MROH6: variants seen among roughly 807,000 people sequenced by gnomAD.
MROH6 encodes the protein maestro heat like repeat family member 6, also known as maestro heat-like repeat-containing protein family member 6.
MROH6 carries 62 observed loss-of-function variants against 67.7 expected under a neutral mutation model. The ratio of observed to expected loss-of-function variants is 0.92; its 90% CI spans 0.75 to 1.13. The LOEUF is 1.13. Among genes scored for constraint, MROH6 ranks in the 50% most tolerant of loss-of-function variants. The pLI is 0.00. For synonymous variants in MROH6, 566 were observed against 470.8 expected (o/e 1.20, Z -2.62); for missense variants, 1,175 against 1,029.1 (o/e 1.14, Z -1.94).
Position 143,568,611 on chromosome 8 carries a change from G to A in MROH6, c.1585C>T (p.Leu529=). 1.3e-6 allele frequency: 2 copies of A among 1,544,998 alleles called. No individual in the cohort carries two copies. Among genetic ancestry groups the A allele is most frequent in the Non-Finnish European group, 1.7e-6 (2 of 1,152,020 alleles). The change falls in exon 10 of 14, where the codon CTG becomes TTG. Residue 529 remains leucine (L), a synonymous_variant. Coordinates refer to ENST00000398882, the MANE Select transcript of MROH6 (RefSeq NM_001100878.2). ...GLRGPLRKLV[L]QSLVPLLLRL... is the part of the protein sequence containing the mutation. ...AGCAGCAGCGGCACGAGACTCTGCA[G>A]CACCAGCTTCCGCAGGGGGCCGCGG... is the stretch of plus-strand genomic sequence containing the variant.
At position 143,567,868 on chromosome 8, in the gene MROH6, G is replaced by A. The variant is rs1328890013; in HGVS notation, c.1785C>T (p.His595=). The A allele has an allele frequency of 4.6e-6, 7 of 1,527,602 alleles. No homozygotes were observed. The South Asian group carries it at 6.5e-5, about 14-fold the overall frequency. The allele number at this position is 1,527,602 out of a possible 1,614,324, so 94.6% of individuals were successfully genotyped here. A position where few individuals can be genotyped will look rare whatever the true frequency, so the allele number is the denominator to read the frequency against. Residue 595 remains histidine, a synonymous_variant, in exon 12 of 14, where the codon CAC becomes CAT. Coordinates refer to ENST00000398882, the MANE Select transcript of MROH6 (RefSeq NM_001100878.2). ...GGGTCTGGCTCAGGAAGTTGGGCAC[G>A]TGGCCTGGGTATCGCTGAACCTGGG... The part of the protein sequence containing the change: ...CCRLVQRYPG[H]VPNFLSQTQG...
chr8:143,570,762 C>A (rs889805130), intron 4 of MROH6, 105 bp from the exon 5 acceptor site: 17 of 1,427,496 alleles, frequency 1.2e-5, no homozygotes, highest in Non-Finnish European at 1.4e-5. Context: ...CTCAGACACG[C>A]ATGGGACATT....
At chr8:143,571,909 T>G in intron 2 of MROH6, 88 bp from the exon 3 acceptor site, 1 of 978,718 alleles carries the variant, frequency 1.0e-6, no homozygotes, top group Non-Finnish European at 1.4e-6. Context: ...ACCCCCACCC[T>G]GATCCCGCCT....
chr8:143,572,445 T>A lies in MROH6; in HGVS notation c.270A>T (p.Glu90Asp). ...CCTGGTGGGGCCCCTCAGGGGCTGG[T>A]TCCAGGGCACTGTTGAGGGAGCAGG... is the stretch of plus-strand genomic sequence containing the variant. Reference protein sequence around the residue: ...SEPCSLNSALEPAPEGPHQVP... With the variant: ...SEPCSLNSALDPAPEGPHQVP... The change falls in exon 1 of 14, where the codon GAA becomes GAT. Residue 90 changes from glutamate to aspartate, a missense_variant. Glu to Asp is a conservative substitution (Grantham distance 45). Transcript: ENST00000398882. The A allele has an allele frequency of 6.3e-7, 1 of 1,593,202 alleles. No homozygotes were observed. The highest frequency in any genetic ancestry group is 8.5e-7 in the Non-Finnish European group (1 of 1,173,512).
Position 143,569,589 on chromosome 8 carries a change from G to T in MROH6, c.1328C>A (p.Pro443Gln). Reference sequence around the variant, plus strand: ...TTCGCCCAGTGCGCCCAGGAGCGCCGGCAGCAGCGTGCTCACGTGCCGCAC... The same window carrying T: ...TTCGCCCAGTGCGCCCAGGAGCGCCTGCAGCAGCGTGCTCACGTGCCGCAC... ...RKVRHVSTLL[P>Q]ALLGALGEGD... is the part of the protein sequence containing the mutation. The change falls in exon 9 of 14, where the codon CCG (proline) becomes CAG (glutamine). Residue 443 changes from proline to glutamine, a missense_variant. Physicochemically the swap from Pro to Gln is moderately conservative, Grantham distance 76. Transcript: ENST00000398882. 1 of 1,569,998 alleles carries T rather than the reference G, an allele frequency of 6.4e-7. No homozygotes were observed. The highest frequency in any genetic ancestry group is 1.4e-5 in the African/African-American group (1 of 73,982).
Position 143,570,954 on chromosome 8 carries a change from G to T in MROH6, c.643C>A (p.Arg215Ser). Residue 215 changes from arginine (R) to serine (S), a missense_variant, in exon 4 of 14, where the codon CGT becomes AGT. Coordinates refer to ENST00000398882, the MANE Select transcript of MROH6 (RefSeq NM_001100878.2). ...TGCACCAGCACCTGCCCATTTACAC[G>T]CTGGTTACGGCTTAGGCTGCGCCAG... ...ELWRSLSRNQRVNGQVLVQLL... is the reference protein window; with the variant it reads ...ELWRSLSRNQSVNGQVLVQLL... The T allele has an allele frequency of 6.5e-6, 10 of 1,546,704 alleles. No individual in the cohort carries two copies. The highest frequency in any genetic ancestry group is 1.2e-5 in the South Asian group (1 of 83,882).
At chr8:143,569,913 G>C (rs1408931126) in intron 7 of MROH6, 38 bp downstream of exon 7, 1 of 1,611,600 alleles carries the variant, frequency 6.2e-7, no homozygotes, top group Admixed American at 1.7e-5. Context: ...ATCAAGTCCA[G>C]GGTCACCCTT....
chr8:143,567,170 C>T lies in MROH6; in HGVS notation c.*69G>A, dbSNP rs933991448. 6 of 891,512 alleles carry T rather than the reference C, an allele frequency of 6.7e-6. No individual in the cohort carries two copies. Among genetic ancestry groups the T allele is most frequent in the African/African-American group, 1.7e-5 (1 of 57,300 alleles). The allele number at this position is 891,512 out of a possible 1,614,324, so 55.2% of individuals were successfully genotyped here. On this transcript the variant is annotated 3_prime_UTR_variant, in exon 14 of 14. Coordinates refer to ENST00000398882, the MANE Select transcript of MROH6 (RefSeq NM_001100878.2). ...GGCCCAGGGAGCCCCTCCGTCAGGG[C>T]GGGGACAGGCTGCTATGCGCGTGGG...
At chr8:143,567,765 T>C (rs775425634) in intron 12 of MROH6, 21 bp downstream of exon 12, 16 of 1,567,850 alleles carry the variant, frequency 1.0e-5, no homozygotes, top group Middle Eastern at 3.4e-4. Flanking sequence ...CCAGGGGCAG[T>C]GTGACCCCGG....
At position 143,567,320 on chromosome 8, in the gene MROH6, G is replaced by A. The variant is rs1002373582; in HGVS notation, c.2079C>T (p.Pro693=). ...AGGGGCTGTCGGCGAAGACTGGTGGGGGCCGGGCGGGGCGCGGGGCGATGC... is the reference window on the plus strand; with the variant it reads ...AGGGGCTGTCGGCGAAGACTGGTGGAGGCCGGGCGGGGCGCGGGGCGATGC... The part of the protein sequence containing the change: ...LLRIAPRPAR[P]PPVFADSPFQ... Residue 693 remains proline (P), a synonymous_variant, in exon 14 of 14, where the codon CCC becomes CCT. Coordinates refer to ENST00000398882, the MANE Select transcript of MROH6 (RefSeq NM_001100878.2). 16 of 1,219,542 alleles carry A rather than the reference G, an allele frequency of 1.3e-5. No individual in the cohort carries two copies. Among genetic ancestry groups the A allele is most frequent in the Admixed American group, 4.3e-5 (1 of 23,214 alleles). 75.5% of individuals were successfully genotyped at this position (1,219,542 alleles called of 1,614,324 possible).
intron 3 of MROH6, 47 bp from the exon 4 acceptor site, chr8:143,571,041 TC>T: frequency 6.6e-7 from 1 of 1,512,238 alleles, no homozygotes. Flanking sequence ...TGGGTGGGTG[TC>T]CAGGGAATGT....
Position 143,569,440 on chromosome 8 carries a change from C to A in MROH6, c.1476+1G>T. On this transcript the variant is annotated splice_donor_variant, in intron 9 of 13. Transcript: ENST00000398882. LOFTEE classifies it high-confidence loss of function. ...GACCCGGAGGCGGGGCGTTTGCTCA[C>A]GTCGTCCAGTAGCGGAGGGAGGCGC... 1 of 1,442,290 alleles carries A rather than the reference C, an allele frequency of 6.9e-7. No homozygotes were observed. Among genetic ancestry groups the A allele is most frequent in the South Asian group, 1.4e-5 (1 of 70,966 alleles). 89.3% of individuals were successfully genotyped at this position (1,442,290 alleles called of 1,614,324 possible).
intron 4 of MROH6, 99 bp from the exon 5 acceptor site, chr8:143,570,756 G>T (rs1256600196): frequency 7.0e-7 from 1 of 1,435,796 alleles, no homozygotes. Context: ...GACAGCCTCA[G>T]ACACGCATGG....
In MROH6 at chr8:143,568,668, G is replaced by A; in HGVS notation, c.1528C>T (p.Arg510Cys). ...AGCCGGAGCCCGCCCCGGCCCCGGC[G>A]CACCAGAGTCCCAAGGAGCCCGACG... ...SAVGLLGTLV[R>C]RGRGGLRLGL... is the part of the protein sequence containing the mutation. Residue 510 changes from arginine (R) to cysteine (C), a missense_variant, in exon 10 of 14, where the codon CGC becomes TGC. By Grantham distance (180) the Arg-to-Cys change is radical. Coordinates refer to ENST00000398882, the MANE Select transcript of MROH6 (RefSeq NM_001100878.2). 2.6e-6 allele frequency: 4 copies of A among 1,530,230 alleles called. No homozygotes were observed. The highest frequency in any genetic ancestry group is 2.8e-5 in the African/African-American group (2 of 72,628). 94.8% of individuals were successfully genotyped at this position (1,530,230 alleles called of 1,614,324 possible).
intron 3 of MROH6, 140 bp downstream of exon 3, chr8:143,571,527 C>G: frequency 9.0e-7 from 1 of 1,113,084 alleles, no homozygotes; most frequent in Non-Finnish European, 1.3e-6. Flanking sequence ...GGAATGGATA[C>G]GGGGCATGAG....
Position 143,572,579 on chromosome 8 carries a change from T to G in MROH6, c.136A>C (p.Lys46Gln). The change falls in exon 1 of 14, where the codon AAG (lysine) becomes CAG (glutamine). Residue 46 changes from lysine to glutamine, a missense_variant. By Grantham distance (53) the Lys-to-Gln change is moderately conservative. Transcript: ENST00000398882. ...GCCTCAGGTTTGACCTCCCAGGACTTGGGCTGAGGGCCTGCGGAAGGGGGT... is the reference window on the plus strand; with the variant it reads ...GCCTCAGGTTTGACCTCCCAGGACTGGGGCTGAGGGCCTGCGGAAGGGGGT... ...QGPPSAGPQPKSWEVKPEAEP... is the reference protein window; with the variant it reads ...QGPPSAGPQPQSWEVKPEAEP... 6.2e-7 allele frequency: 1 copy of G among 1,604,836 alleles called. No individual in the cohort carries two copies. The highest frequency in any genetic ancestry group is 1.1e-5 in the South Asian group (1 of 89,896).
rs751657701 is a variant in MROH6 at position 143,571,717 on chromosome 8, A to G, written c.552T>C (p.His184=). 3.9e-6 allele frequency: 6 copies of G among 1,550,912 alleles called. No individual in the cohort carries two copies. The highest frequency in any genetic ancestry group is 1.4e-5 in the African/African-American group (1 of 73,172). The part of the protein sequence containing the change: ...LRVLSALALE[H]ARDVVCALLP... ...GCAGCGCACACACCACGTCCCGCGC[A>G]TGCTCCAGGGCCAGTGCGCTCAGCA... The change falls in exon 3 of 14, where the codon CAT becomes CAC. Residue 184 remains histidine (H), a synonymous_variant. Transcript: ENST00000398882.
At chr8:143,568,347 G>C (rs890675710) in intron 10 of MROH6, 86 bp from the exon 11 acceptor site, 1 of 1,507,710 alleles carries the variant, frequency 6.6e-7, no homozygotes, top group Non-Finnish European at 8.9e-7. Flanking sequence ...CAAGGGCATC[G>C]GGTGAGGGGC....
chr8:143,572,172 G>A lies in MROH6; in HGVS notation c.308C>T (p.Ser103Phe). The change falls in exon 2 of 14, where the codon TCC (serine) becomes TTC (phenylalanine). Residue 103 changes from serine to phenylalanine, a missense_variant. Transcript: ENST00000398882. ...GTCGGCAAGAACTCCCTCCTCCCAGGAACTCTGGGGAACCTAGGGCAGGAT... is the reference window on the plus strand; with the variant it reads ...GTCGGCAAGAACTCCCTCCTCCCAGAAACTCTGGGGAACCTAGGGCAGGAT... ...PEGPHQVPQS[S>F]WEEGVLADLA... 6.2e-7 allele frequency: 1 copy of A among 1,612,834 alleles called. No homozygotes were observed. The highest frequency in any genetic ancestry group is 8.5e-7 in the Non-Finnish European group (1 of 1,179,766).
Sources: gnomAD v4.1 joint callset for allele counts on GRCh38, gnomAD v4.1.1 for gene constraint, MANE v1.5 for transcripts, NCBI Gene and HGNC (gene_info 2026-07-23, HGNC 2026-07-21) for gene names.